Variants in C2CD5 observed in about 807,000 individuals in gnomAD.
C2CD5 encodes the protein C2 domain-containing protein 5.
C2CD5 carries 109 observed loss-of-function variants against 130.3 expected under a neutral mutation model. That is an observed-to-expected ratio of 0.84 (90% CI 0.72 to 0.98). C2CD5 has a LOEUF of 0.98. C2CD5 is among the 50% of genes least tolerant of loss of function. The pLI is 0.00. For missense variants in C2CD5, 996 were observed against 1,261.8 expected, an observed-to-expected ratio of 0.79 and a Z score of 3.19; for synonymous variants, 454 against 429.2, an observed-to-expected ratio of 1.06 and a Z score of -0.71.
chr12:22,497,548 G>A (rs754754807), intron 10 of C2CD5: 23 of 722,540 alleles, frequency 3.2e-5, no homozygotes, highest in Middle Eastern at 7.0e-4. Flanking sequence ...TCATGTTAAC[G>A]GACAGTATAA....
chr12:22,539,532 A>C (rs1952143801), intron 2 of C2CD5, among the ~76,000 whole-genome samples: 2 of 151,968 alleles, frequency 1.3e-5, no homozygotes, highest in East Asian at 1.9e-4. Context: ...ACTCCTAAAG[A>C]AGCTTTAGAC....
intron 7 of C2CD5, among the ~76,000 whole-genome samples, chr12:22,522,572 T>C (rs1213456276): frequency 1.3e-5 from 2 of 152,080 alleles, no homozygotes; most frequent in Non-Finnish European, 2.9e-5. Context: ...AGACAAGAGA[T>C]TGTATGGGCA....
At chr12:22,473,115 T>A (rs1943307484) in intron 16 of C2CD5, among the ~76,000 whole-genome samples, 1 of 152,156 alleles carries the variant, frequency 6.6e-6, no homozygotes, top group Non-Finnish European at 1.5e-5. Flanking sequence ...TTTGTTTAAA[T>A]TAATAAAGTG....
At position 22,528,399 on chromosome 12, in the gene C2CD5, C is replaced by G. The variant is rs1361441055; in HGVS notation, c.178-507G>C. Among the ~76,000 whole-genome samples the G allele has an allele frequency of 3.3e-5, 5 of 152,178 alleles. No individual in the cohort carries two copies. In the East Asian group the frequency reaches 7.7e-4, roughly 23 times the overall value. The stretch of plus-strand genomic sequence containing the variant: ...CATGATATAAACATCTACCCTCTCT[C>G]CTTTTATTTAGTCATTATCGAGTTG... On this transcript the variant is annotated intron_variant, in intron 3 of 26. Coordinates refer to ENST00000446597, the MANE Select transcript of C2CD5 (RefSeq NM_001286176.2).
intron 22 of C2CD5, 95 bp downstream of exon 22, chr12:22,469,614 T>A (rs1942690536): frequency 4.8e-6 from 3 of 621,542 alleles, no homozygotes; most frequent in Non-Finnish European, 8.1e-6. Flanking sequence ...GGATAAATTT[T>A]CACCTCAAGG....
At chr12:22,462,838 G>C (rs898070607) in intron 22 of C2CD5, among the ~76,000 whole-genome samples, 3 of 152,254 alleles carry the variant, frequency 2.0e-5, no homozygotes, top group African/African-American at 7.2e-5. Context: ...TGTAATCTCA[G>C]CACTTTGGGA....
At chr12:22,542,403 TGA>T (rs1952485087) in intron 2 of C2CD5, among the ~76,000 whole-genome samples, 1 of 152,204 alleles carries the variant, frequency 6.6e-6, no homozygotes, top group Admixed American at 6.5e-5. Context: ...TTACAGAAAA[TGA>T]GGTTTTATAG....
At position 22,531,168 on chromosome 12, in the gene C2CD5, C is replaced by T. The variant is rs142811501; in HGVS notation, c.178-3276G>A. 3.4e-3 allele frequency among the ~76,000 whole-genome samples: 522 copies of T among 152,284 alleles called. 3 individuals are homozygous for T. Among genetic ancestry groups the T allele is most frequent in the African/African-American group, 0.012 (493 of 41,546 alleles). ...ATTATTTTTTGACACATATATTCCA[C>T]ACCTTTACCTTAATAATGTAGTTTA... On this transcript the variant is annotated intron_variant, in intron 3 of 26. Coordinates refer to ENST00000446597, the MANE Select transcript of C2CD5 (RefSeq NM_001286176.2).
chr12:22,488,540 T>G (rs1945889789), intron 12 of C2CD5, among the ~76,000 whole-genome samples: 1 of 151,952 alleles, frequency 6.6e-6, no homozygotes, highest in Non-Finnish European at 1.5e-5. Flanking sequence ...CCAAGCTACA[T>G]GAAAAAGGTC....
intron 3 of C2CD5, among the ~76,000 whole-genome samples, chr12:22,532,436 A>G (rs2137181164): frequency 6.6e-6 from 1 of 152,298 alleles, no homozygotes; most frequent in African/African-American, 2.4e-5. Context: ...CTACTCTGGA[A>G]AGAATTCATG....
chr12:22,515,959 T>TA (rs1949677720), intron 8 of C2CD5, among the ~76,000 whole-genome samples: 1 of 151,334 alleles, frequency 6.6e-6, no homozygotes, highest in Admixed American at 6.6e-5. Flanking sequence ...TAAAACCTTG[T>TA]AAATGTCAAA....
rs79495422 is a variant in C2CD5 at position 22,525,752 on chromosome 12, G to A, written c.350-47C>T. The A allele has an allele frequency of 8.4e-4, 736 of 874,912 alleles. 6 individuals carry two copies. The African/African-American group carries it at 0.011, about 13-fold the overall frequency. The allele number at this position is 874,912 out of a possible 1,614,324, so 54.2% of individuals were successfully genotyped here. A position where few individuals can be genotyped will look rare whatever the true frequency, so the allele number is the denominator to read the frequency against. ...CAAGTTTCTACCTTAAGAAAGTAAT[G>A]TACAATTAAATAATGAAGCAAATTA... On this transcript the variant is annotated intron_variant, in intron 4 of 26. Coordinates refer to ENST00000446597, the MANE Select transcript of C2CD5 (RefSeq NM_001286176.2).
At chr12:22,462,619 T>C (rs1475710888) in intron 22 of C2CD5, among the ~76,000 whole-genome samples, 1 of 152,206 alleles carries the variant, frequency 6.6e-6, no homozygotes, top group Non-Finnish European at 1.5e-5. Flanking sequence ...AAAAGGATTC[T>C]TCCTCCCTCA....
rs1950857006 is a variant in C2CD5, at chr12:22,527,733, C to T, written c.337G>A (p.Asp113Asn). ...TATTATTCCTTACCATGTATGGTGT[C>T]ATAAATTGGAAACCATCCTGAGATG... ...TVISGWFPIY[D>N]TIHGIRGEIN... is the part of the protein sequence containing the mutation. Residue 113 changes from aspartate (D) to asparagine (N), a missense_variant, in exon 4 of 27, where the codon GAC (aspartate) becomes AAC (asparagine). Asp to Asn is a conservative substitution (Grantham distance 23, BLOSUM62 1). Around this residue, in one of 9 missense-constraint regions of C2CD5, gnomAD observed 68 missense variants for 154.5 expected, o/e 0.44. Transcript: ENST00000446597. 1 of 1,559,626 alleles carries T rather than the reference C, an allele frequency of 6.4e-7. No individual in the cohort carries two copies. Among genetic ancestry groups the T allele is most frequent in the African/African-American group, 1.4e-5 (1 of 72,986 alleles).
chr12:22,532,810 T>G (rs905435347), intron 3 of C2CD5, among the ~76,000 whole-genome samples: 1 of 152,114 alleles, frequency 6.6e-6, no homozygotes, highest in Non-Finnish European at 1.5e-5. Context: ...GAGCTAAACT[T>G]TACCCAGGCT....
At chr12:22,510,826 A>C (rs1373962296) in intron 9 of C2CD5, among the ~76,000 whole-genome samples, 1 of 152,160 alleles carries the variant, frequency 6.6e-6, no homozygotes, top group Non-Finnish European at 1.5e-5. Context: ...GGTAAAATAA[A>C]AGTCTTATTG....
rs1476182575 is a variant in C2CD5, at chr12:22,470,930, T to C, written c.2359-19A>G. On this transcript the variant is annotated intron_variant, in intron 20 of 26. Coordinates refer to ENST00000446597, the MANE Select transcript of C2CD5 (RefSeq NM_001286176.2). Reference sequence around the variant, plus strand: ...CTGTAACCTAGAATTATAAAAACAATAATGGTTAGCAAAATAATCACTGCC... The same window carrying C: ...CTGTAACCTAGAATTATAAAAACAACAATGGTTAGCAAAATAATCACTGCC... 1 of 1,556,698 alleles carries C rather than the reference T, an allele frequency of 6.4e-7. No individual in the cohort carries two copies. The highest frequency in any genetic ancestry group is 1.4e-5 in the African/African-American group (1 of 73,554).
intron 10 of C2CD5, among the ~76,000 whole-genome samples, chr12:22,501,094 T>C (rs1947718149): frequency 6.6e-6 from 1 of 152,210 alleles, no homozygotes; most frequent in East Asian, 1.9e-4. Context: ...CCTAAACAAG[T>C]ATGAAAATCA....
intron 12 of C2CD5, among the ~76,000 whole-genome samples, chr12:22,485,695 C>A (rs1167105911): frequency 6.6e-6 from 1 of 151,874 alleles, no homozygotes; most frequent in Non-Finnish European, 1.5e-5. Flanking sequence ...GAATCCAAAG[C>A]CAATGTGTTA....
Sources: allele counts gnomAD v4.1 joint callset (sites outside exome capture counted in the v4.1 genomes callset), GRCh38; gene constraint gnomAD v4.1.1; regional missense constraint gnomAD v4.1.1; transcripts MANE v1.5; gene names NCBI Gene and HGNC (gene_info 2026-07-23, HGNC 2026-07-21).